The following ZBTB8A variants were observed in gnomAD, a reference collection of about 807,000 sequenced individuals.
The protein encoded by ZBTB8A is zinc finger and BTB domain containing 8A.
A neutral mutation model predicts 37.8 loss-of-function variants in ZBTB8A; 19 were observed. That is an observed-to-expected ratio of 0.50 (90% CI 0.35 to 0.74). ZBTB8A has a LOEUF of 0.74. Ranked by LOEUF, ZBTB8A falls within the 30% of genes least tolerant of loss-of-function variation. The pLI is 0.01. For synonymous variants in ZBTB8A, 181 were observed against 185.2 expected, an observed-to-expected ratio of 0.98 and a Z score of 0.19; for missense variants, 394 against 537.8, an observed-to-expected ratio of 0.73 and a Z score of 2.65.
intron 2 of ZBTB8A, among the ~76,000 whole-genome samples, chr1:32,568,861 T>C (rs1644304386): frequency 6.6e-6 from 1 of 152,234 alleles, no homozygotes; most frequent in Admixed American, 6.5e-5. Context: ...TACAATTTAT[T>C]TATTCACCAG....
At chr1:32,562,106 T>C (rs1644247928) in intron 2 of ZBTB8A, among the ~76,000 whole-genome samples, 1 of 149,782 alleles carries the variant, frequency 6.7e-6, no homozygotes, top group South Asian at 2.1e-4. Context: ...CCAGCCAATT[T>C]TTTAATTTTT....
At chr1:32,563,287 T>C (rs1320700309) in intron 2 of ZBTB8A, among the ~76,000 whole-genome samples, 1 of 151,918 alleles carries the variant, frequency 6.6e-6, no homozygotes, top group African/African-American at 2.4e-5. Context: ...ATCCCAGCAG[T>C]TTGGGAGGCC....
At chr1:32,562,904 A>G (rs1297688815) in intron 2 of ZBTB8A, among the ~76,000 whole-genome samples, 1 of 152,096 alleles carries the variant, frequency 6.6e-6, no homozygotes, top group Non-Finnish European at 1.5e-5. Flanking sequence ...TTAAGTACTG[A>G]AATGTTTTTA....
chr1:32,551,597 C>T (rs1363314649), intron 1 of ZBTB8A, among the ~76,000 whole-genome samples: 2 of 151,908 alleles, frequency 1.3e-5, no homozygotes, highest in South Asian at 2.1e-4. Context: ...CCTGTAATCC[C>T]GCTACTCGGC....
In ZBTB8A at chr1:32,602,515, A is replaced by G. The variant is rs1470977289; in HGVS notation, c.*2096A>G. On this transcript the variant is annotated 3_prime_UTR_variant, in exon 5 of 5. Coordinates refer to ENST00000373510, the MANE Select transcript of ZBTB8A (RefSeq NM_001040441.3). ...GAAGCTTGATAGAATTTCACTGTAT[A>G]TGGAGAGGCTCCATCTATTTTACTG... is the stretch of plus-strand genomic sequence containing the variant. 6.6e-6 allele frequency: 1 copy of G among 152,092 alleles called. No homozygotes were observed. Among genetic ancestry groups the G allele is most frequent in the Non-Finnish European group, 1.5e-5 (1 of 68,052 alleles). The allele number at this position is 152,092 out of a possible 1,614,324, so 9.4% of individuals were successfully genotyped here.
chr1:32,566,118 C>T (rs1191554073), intron 2 of ZBTB8A, among the ~76,000 whole-genome samples: 2 of 150,776 alleles, frequency 1.3e-5, no homozygotes, highest in South Asian at 2.1e-4. Context: ...AGGAGAATGG[C>T]GTGAACCCAG....
At chr1:32,578,114 G>A (rs531678632) in intron 2 of ZBTB8A, among the ~76,000 whole-genome samples, 8 of 150,452 alleles carry the variant, frequency 5.3e-5, no homozygotes, top group African/African-American at 1.7e-4. Context: ...TTGCTCTGTC[G>A]CCCAGGCTGG....
At chr1:32,592,837 G>A in intron 2 of ZBTB8A, 94 bp from the exon 3 acceptor site, 1 of 1,060,544 alleles carries the variant, frequency 9.4e-7, no homozygotes, top group Non-Finnish European at 1.3e-6. Flanking sequence ...CCACTGCACT[G>A]CAGCCTGGGC....
At chr1:32,591,939 G>C (rs990765255) in intron 2 of ZBTB8A, among the ~76,000 whole-genome samples, 2 of 152,176 alleles carry the variant, frequency 1.3e-5, no homozygotes, top group Middle Eastern at 3.4e-3. Context: ...TACCTCCCAG[G>C]ATCAAGCGAT....
intron 2 of ZBTB8A, among the ~76,000 whole-genome samples, chr1:32,576,684 C>T (rs192825156): frequency 1.5e-3 from 223 of 152,130 alleles, no homozygotes; most frequent in Admixed American, 3.9e-3. Context: ...CTGCCTCGGC[C>T]TCCCAAAGTG....
intron 3 of ZBTB8A, 32 bp from the exon 4 acceptor site, chr1:32,595,022 T>C (rs1644519275): frequency 1.3e-6 from 2 of 1,588,400 alleles, no homozygotes; most frequent in Non-Finnish European, 1.7e-6. Flanking sequence ...TTATGAACTT[T>C]CCAGTGATTT....
At chr1:32,579,743 G>T (rs953901317) in intron 2 of ZBTB8A, among the ~76,000 whole-genome samples, 2 of 152,026 alleles carry the variant, frequency 1.3e-5, no homozygotes, top group Non-Finnish European at 2.9e-5. Context: ...GATCACAGTC[G>T]CATACTCACT....
At chr1:32,572,924 A>G (rs1477605987) in intron 2 of ZBTB8A, among the ~76,000 whole-genome samples, 2 of 150,692 alleles carry the variant, frequency 1.3e-5, no homozygotes, top group Non-Finnish European at 3.0e-5. Context: ...ATTGATAATG[A>G]TTAATTTATT....
At chr1:32,540,326 G>A (rs557033048) in intron 1 of ZBTB8A, among the ~76,000 whole-genome samples, 36 of 152,178 alleles carry the variant, frequency 2.4e-4, no homozygotes, top group Non-Finnish European at 3.7e-4. Context: ...GTTTGGAAGC[G>A]GTAGATTCAC....
chr1:32,556,279 A>G (rs1054980793), intron 2 of ZBTB8A, among the ~76,000 whole-genome samples: 3 of 152,048 alleles, frequency 2.0e-5, no homozygotes, highest in Non-Finnish European at 2.9e-5. Flanking sequence ...CATGTTGGCC[A>G]GGCTGGTCTC....
chr1:32,574,834 G>A (rs1056103127), intron 2 of ZBTB8A, among the ~76,000 whole-genome samples: 1 of 152,132 alleles, frequency 6.6e-6, no homozygotes, highest in Admixed American at 6.6e-5. Flanking sequence ...TAGAGTTGCA[G>A]TGGTGCTGAC....
rs1204643309 is a variant in ZBTB8A, at chr1:32,602,577, G to A, written c.*2158G>A. 1 of 151,762 alleles carries A rather than the reference G, an allele frequency of 6.6e-6. No homozygotes were observed. The allele number at this position is 151,762 out of a possible 1,614,324, so 9.4% of individuals were successfully genotyped here. A position where few individuals can be genotyped will look rare whatever the true frequency, so the allele number is the denominator to read the frequency against. ...GTTTTTGTTTTTTTTTCGAGACGGA[G>A]TCTCGCTCTGTCGCCCAGGCTGGAG... On this transcript the variant is annotated 3_prime_UTR_variant, in exon 5 of 5. Transcript: ENST00000373510.
chr1:32,572,208 A>G (rs1644327585), intron 2 of ZBTB8A, among the ~76,000 whole-genome samples: 1 of 152,102 alleles, frequency 6.6e-6, no homozygotes, highest in Admixed American at 6.6e-5. Context: ...CTATTTTATG[A>G]AAGTGTTTGC....
chr1:32,565,065 C>T (rs949638226), intron 2 of ZBTB8A, among the ~76,000 whole-genome samples: 1 of 152,182 alleles, frequency 6.6e-6, no homozygotes, highest in Non-Finnish European at 1.5e-5. Context: ...TGCAGTGGCT[C>T]ATGCCTGTAA....
Sources: allele counts gnomAD v4.1 joint callset (sites outside exome capture counted in the v4.1 genomes callset), GRCh38; gene constraint gnomAD v4.1.1; transcripts MANE v1.5; gene names NCBI Gene and HGNC (gene_info 2026-07-23, HGNC 2026-07-21).